FOXP1: variants seen among roughly 807,000 people sequenced by gnomAD.
FOXP1 encodes forkhead box P1.
A neutral mutation model predicts 98.2 loss-of-function variants in FOXP1; 15 were observed. That is an observed-to-expected ratio of 0.15 (90% CI 0.10 to 0.24). FOXP1 has a LOEUF of 0.24. Ranked by LOEUF, FOXP1 falls within the 10% of genes least tolerant of loss-of-function variation. FOXP1 has a pLI of 1.00. For synonymous variants in FOXP1, 371 were observed against 314.5 expected (o/e 1.18, Z -1.90); for missense variants, 633 against 848.5 (o/e 0.75, Z 3.15).
At chr3:70,979,304 A>G (rs34557138) in intron 14 of FOXP1, among the ~76,000 whole-genome samples, 1,285 of 120,844 alleles carry the variant, frequency 0.011, 36 homozygotes, top group Middle Eastern at 0.023. Flanking sequence ...AAAAAAAAAA[A>G]AAAAAAAAAA....
intron 9 of FOXP1, among the ~76,000 whole-genome samples, chr3:71,049,797 A>G (rs2049594287): frequency 6.6e-6 from 1 of 152,110 alleles, no homozygotes; most frequent in Non-Finnish European, 1.5e-5. Flanking sequence ...GTGTGACTCC[A>G]TCTCATTTTA....
At chr3:71,077,806 C>A (rs1207960762) in intron 7 of FOXP1, among the ~76,000 whole-genome samples, 2 of 151,930 alleles carry the variant, frequency 1.3e-5, no homozygotes, top group African/African-American at 2.4e-5. Context: ...TCCTCCCCTC[C>A]TAAGAAGCAT....
chr3:71,001,470 G>A (rs2042116287), intron 12 of FOXP1, among the ~76,000 whole-genome samples: 1 of 152,070 alleles, frequency 6.6e-6, no homozygotes, highest in African/African-American at 2.4e-5. Flanking sequence ...TATAACTGAT[G>A]ATACATCCAT....
At chr3:71,032,797 C>T (rs144548361) in intron 11 of FOXP1, among the ~76,000 whole-genome samples, 54 of 152,212 alleles carry the variant, frequency 3.5e-4, no homozygotes, top group African/African-American at 1.2e-3. Context: ...CATCTGGCTC[C>T]AGTATTGGCT....
At chr3:71,093,010 C>T (rs777234351) in intron 7 of FOXP1, among the ~76,000 whole-genome samples, 15 of 152,158 alleles carry the variant, frequency 9.9e-5, no homozygotes, top group Non-Finnish European at 1.9e-4. Context: ...CCTATAATCC[C>T]AGCCCTTTGG....
chr3:71,103,884 C>T (rs1468865387), intron 7 of FOXP1, among the ~76,000 whole-genome samples: 1 of 152,138 alleles, frequency 6.6e-6, no homozygotes, highest in East Asian at 1.9e-4. Context: ...ATCACTTGAC[C>T]TCAGCGTGCC....
upstream of FOXP1, chr3:71,583,747 A>G (rs1038344582): frequency 6.1e-6 from 6 of 985,386 alleles, no homozygotes; most frequent in African/African-American, 7.0e-5. Context: ...ACCGCCACAC[A>G]ATAAATAACA....
At chr3:71,031,617 T>C (rs570797459) in intron 11 of FOXP1, among the ~76,000 whole-genome samples, 4 of 152,354 alleles carry the variant, frequency 2.6e-5, no homozygotes, top group African/African-American at 9.6e-5. Flanking sequence ...AGGCGGATAA[T>C]GATTTTCTTT....
At chr3:71,327,112 G>A (rs997966063) in intron 4 of FOXP1, among the ~76,000 whole-genome samples, 1 of 151,932 alleles carries the variant, frequency 6.6e-6, no homozygotes, top group African/African-American at 2.4e-5. Flanking sequence ...CCCTAAGATT[G>A]AGACCACAGG....
intron 3 of FOXP1, among the ~76,000 whole-genome samples, chr3:71,372,898 T>C (rs2079445872): frequency 6.6e-6 from 1 of 152,202 alleles, no homozygotes; most frequent in Non-Finnish European, 1.5e-5. Context: ...TTCTATGTCG[T>C]AAATGACCCT....
At chr3:71,514,791 C>A (rs941233410) in intron 2 of FOXP1, among the ~76,000 whole-genome samples, 1 of 152,224 alleles carries the variant, frequency 6.6e-6, no homozygotes, top group African/African-American at 2.4e-5. Context: ...AATGCTCTCG[C>A]CCACTGGGCC....
chr3:71,446,166 A>G (rs1182243464), intron 3 of FOXP1, among the ~76,000 whole-genome samples: 2 of 152,156 alleles, frequency 1.3e-5, no homozygotes, highest in Non-Finnish European at 1.5e-5. Flanking sequence ...CCTGGGCCTC[A>G]TGGAGAAATG....
At chr3:71,032,981 A>G (rs2047072555) in intron 11 of FOXP1, among the ~76,000 whole-genome samples, 1 of 152,154 alleles carries the variant, frequency 6.6e-6, no homozygotes, top group Non-Finnish European at 1.5e-5. Flanking sequence ...ATTCAACAAC[A>G]ACTTTTTATA....
chr3:71,569,930 C>A (rs576334264), intron 2 of FOXP1, among the ~76,000 whole-genome samples: 1 of 152,082 alleles, frequency 6.6e-6, no homozygotes, highest in Non-Finnish European at 1.5e-5. Context: ...CTACAGGCGC[C>A]AGCCACCACG....
chr3:71,059,108 AT>A (rs1431478966), intron 7 of FOXP1, among the ~76,000 whole-genome samples: 7 of 151,912 alleles, frequency 4.6e-5, no homozygotes, highest in Non-Finnish European at 8.8e-5. Context: ...ACTATTAAAA[AT>A]TTTTTTTCAA....
chr3:71,153,229 G>A (rs759910090), intron 6 of FOXP1, among the ~76,000 whole-genome samples: 1 of 152,140 alleles, frequency 6.6e-6, no homozygotes, highest in Non-Finnish European at 1.5e-5. Flanking sequence ...AGCCCTCTCA[G>A]GAGCAGAGCT....
At chr3:70,966,334 A>C in intron 19 of FOXP1, 1 of 460,892 alleles carries the variant, frequency 2.2e-6, no homozygotes, top group Non-Finnish European at 4.0e-6. Context: ...CATGGTTTAG[A>C]CGGGCTTTCG....
At chr3:71,557,477 C>T (rs955431594) in intron 2 of FOXP1, among the ~76,000 whole-genome samples, 1 of 152,154 alleles carries the variant, frequency 6.6e-6, no homozygotes, top group African/African-American at 2.4e-5. Flanking sequence ...AAAACTCCTT[C>T]ACCTCATGGT....
chr3:71,001,802 G>A (rs1047008904), intron 12 of FOXP1, among the ~76,000 whole-genome samples: 1 of 152,122 alleles, frequency 6.6e-6, no homozygotes, highest in Non-Finnish European at 1.5e-5. Flanking sequence ...ATACGCAGGA[G>A]CTCTGGTAAT....
Sources: allele counts gnomAD v4.1 joint callset (sites outside exome capture counted in the v4.1 genomes callset), GRCh38; gene constraint gnomAD v4.1.1; transcripts MANE v1.5; gene names NCBI Gene and HGNC (gene_info 2026-07-23, HGNC 2026-07-21).